Variants in TLE3 observed in about 807,000 individuals in gnomAD.
TLE3 encodes the protein transducin-like enhancer protein 3.
TLE3 carries 14 observed loss-of-function variants against 93.0 expected under a neutral mutation model. The observed-to-expected ratio is 0.15, with a 90% CI of 0.10 to 0.24. TLE3 has a LOEUF of 0.24. Among genes scored for constraint, TLE3 ranks in the 10% least tolerant of loss-of-function variants. TLE3 has a pLI of 1.00. For missense variants in TLE3, 693 were observed against 1,046.6 expected (o/e 0.66, Z 4.66); for synonymous variants, 451 against 425.0 (o/e 1.06, Z -0.75).
At chr15:70,091,521 T>A (rs2058307053) in intron 4 of TLE3, among the ~76,000 whole-genome samples, 1 of 152,192 alleles carries the variant, frequency 6.6e-6, no homozygotes, top group African/African-American at 2.4e-5. Flanking sequence ...GCAGGGGGCT[T>A]GGTGGAGGTG....
At chr15:70,063,524 G>A (rs895761170) in intron 8 of TLE3, among the ~76,000 whole-genome samples, 1 of 152,182 alleles carries the variant, frequency 6.6e-6, no homozygotes, top group Non-Finnish European at 1.5e-5. Flanking sequence ...GGCTGGATTG[G>A]AGAGAGCTGC....
At chr15:70,062,292 A>C (rs2056536416) in intron 8 of TLE3, among the ~76,000 whole-genome samples, 1 of 152,190 alleles carries the variant, frequency 6.6e-6, no homozygotes, top group African/African-American at 2.4e-5. Context: ...CCGTCATTTC[A>C]TTTCATTTCC....
Position 70,097,833 on chromosome 15 carries a change from C to G in TLE3, c.-1035G>C, listed in dbSNP as rs973128654. On this transcript the variant is annotated 5_prime_UTR_variant, in exon 1 of 20. Coordinates refer to ENST00000451782, the MANE Select transcript of TLE3 (RefSeq NM_001105192.3). ...ACACACACCAAAAAAAAAAGTGCCC[C>G]GGACCTACGGATACCACACACAGAC... is the stretch of plus-strand genomic sequence containing the variant. The G allele has an allele frequency of 5.5e-6, 2 of 361,836 alleles. No homozygotes were observed. Among genetic ancestry groups the G allele is most frequent in the East Asian group, 8.0e-5 (2 of 25,056 alleles). The allele number at this position is 361,836 out of a possible 1,614,324, so 22.4% of individuals were successfully genotyped here.
Position 70,056,311 on chromosome 15 carries a change from G to T in TLE3, c.1315C>A (p.Pro439Thr), listed in dbSNP as rs868714109. ...GCCAAAGCTTACGGTTTTCCTCCAGGAATGGAGGCCAGGCTTGAGGGGAGG... is the reference window on the plus strand; with the variant it reads ...GCCAAAGCTTACGGTTTTCCTCCAGTAATGGAGGCCAGGCTTGAGGGGAGG... ...TGLPSSLASI[P>T]GGKPAYSFHV... is the part of the protein sequence containing the mutation. The change falls in exon 14 of 20, where the codon CCT becomes ACT. Residue 439 changes from proline to threonine, a missense_variant. By Grantham distance (38) the Pro-to-Thr change is conservative. Coordinates refer to ENST00000451782, the MANE Select transcript of TLE3 (RefSeq NM_001105192.3). 6.2e-7 allele frequency: 1 copy of T among 1,613,698 alleles called. No individual in the cohort carries two copies. Among genetic ancestry groups the T allele is most frequent in the Non-Finnish European group, 8.5e-7 (1 of 1,179,866 alleles).
intron 12 of TLE3, 114 bp from the exon 13 acceptor site, chr15:70,057,772 CCT>C (rs1305091767): frequency 7.6e-7 from 1 of 1,322,224 alleles, no homozygotes; most frequent in Non-Finnish European, 1.0e-6. Flanking sequence ...TCCAGGCAGT[CCT>C]CTCAGACTGA....
intron 4 of TLE3, among the ~76,000 whole-genome samples, chr15:70,084,314 A>G (rs536807666): frequency 6.6e-6 from 1 of 152,376 alleles, no homozygotes; most frequent in African/African-American, 2.4e-5. Context: ...CAACTTGGGC[A>G]CTGATAACAA....
chr15:70,087,728 T>C (rs1369829971), intron 4 of TLE3, among the ~76,000 whole-genome samples: 3 of 152,190 alleles, frequency 2.0e-5, no homozygotes, highest in East Asian at 3.8e-4. Context: ...AGATGGGAAG[T>C]TGCTTCTCTC....
At chr15:70,053,609 G>C (rs1055583818) in intron 16 of TLE3, 1 of 404,008 alleles carries the variant, frequency 2.5e-6, no homozygotes, top group Non-Finnish European at 4.4e-6. Flanking sequence ...GGAAATGGGG[G>C]GGGGAGGTGA....
chr15:70,057,492 GGCAGCGGCTGCA>G lies in TLE3; in HGVS notation c.1206_1217del (p.Ala403_Ala406del), dbSNP rs1230864099. 2 of 1,608,306 alleles carry G rather than the reference GGCAGCGGCTGCA, an allele frequency of 1.2e-6. No individual in the cohort carries two copies. The highest frequency in any genetic ancestry group is 1.7e-6 in the Non-Finnish European group (2 of 1,177,666). ...AGCTCACCATTGGCGATCGGCCATA[GGCAGCGGCTGCA>G]GCAGCGGCGGCGGCGCTCATCTGGG... On this transcript the variant is annotated inframe_deletion, in exon 13 of 20. Coordinates refer to ENST00000451782, the MANE Select transcript of TLE3 (RefSeq NM_001105192.3).
chr15:70,096,359 G>C, intron 1 of TLE3, 98 bp from the exon 2 acceptor site: 1 of 1,509,508 alleles, frequency 6.6e-7, no homozygotes, highest in Non-Finnish European at 8.8e-7. Context: ...ACCAAAAGAG[G>C]CCACCCTCAG....
rs774229331 is a variant in TLE3 at position 70,096,656 on chromosome 15, C to T, written c.24+119G>A. 5.2e-6 allele frequency: 8 copies of T among 1,553,234 alleles called. No homozygotes were observed. In the South Asian group the frequency reaches 9.5e-5, roughly 18 times the overall value. ...GGCCGCATCCCCCTTTGTGTGAGAGCACACACACAAACACACACACCATAA... is the reference window on the plus strand; with the variant it reads ...GGCCGCATCCCCCTTTGTGTGAGAGTACACACACAAACACACACACCATAA... On this transcript the variant is annotated intron_variant, in intron 1 of 19. Transcript: ENST00000451782.
chr15:70,089,188 C>T (rs2058184630), intron 4 of TLE3, among the ~76,000 whole-genome samples: 2 of 152,204 alleles, frequency 1.3e-5, no homozygotes, highest in South Asian at 2.1e-4. Context: ...TTCAGACTCG[C>T]GCCAAGCAAA....
At position 70,048,116 on chromosome 15, in the gene TLE3, G is replaced by GC. The variant is rs748458458; in HGVS notation, c.*1980dup. 7.5e-6 allele frequency: 1 copy of GC among 133,820 alleles called. No homozygotes were observed. The highest frequency in any genetic ancestry group is 1.6e-5 in the Non-Finnish European group (1 of 63,608). 8.3% of individuals were successfully genotyped at this position (133,820 alleles called of 1,614,324 possible). ...CTGGCCCAGGCTCCAGAATGTGACA[G>GC]CAACAGTGGCCTGGCTGTTTTCCCG... On this transcript the variant is annotated 3_prime_UTR_variant, in exon 20 of 20. Coordinates refer to ENST00000451782, the MANE Select transcript of TLE3 (RefSeq NM_001105192.3).
chr15:70,053,347 G>C lies in TLE3; in HGVS notation c.1854C>G (p.Ala618=). 1 of 1,608,514 alleles carries C rather than the reference G, an allele frequency of 6.2e-7. No individual in the cohort carries two copies. The highest frequency in any genetic ancestry group is 8.5e-7 in the Non-Finnish European group (1 of 1,177,264). ...VRQFQGHTDG[A]SCIDISHDGT... Reference sequence around the variant, plus strand: ...CATCATGGGAGATGTCTATGCAGCTGGCCCCATCTGTGTGGCCCTGGAACT... The same window carrying C: ...CATCATGGGAGATGTCTATGCAGCTCGCCCCATCTGTGTGGCCCTGGAACT... The change falls in exon 17 of 20, where the codon GCC becomes GCG. Residue 618 remains alanine (A), a synonymous_variant. Coordinates refer to ENST00000451782, the MANE Select transcript of TLE3 (RefSeq NM_001105192.3).
At chr15:70,066,915 GTC>G (rs2056849942) in intron 6 of TLE3, 1 of 388,588 alleles carries the variant, frequency 2.6e-6, no homozygotes, top group East Asian at 8.3e-5. Context: ...GTTACTTCAA[GTC>G]CTGGAGCCTC....
At position 70,054,614 on chromosome 15, in the gene TLE3, G is replaced by C. The variant is rs1160017482; in HGVS notation, c.1650C>G (p.Ala550=). ...CCAGGTCCCAGATGGTGAGCGTGCT[G>C]GCCTCGCCGCCCACGATGAGCGTGC... is the stretch of plus-strand genomic sequence containing the variant. The part of the protein sequence containing the change: ...DGRTLIVGGE[A]STLTIWDLAS... Residue 550 remains alanine (A), a synonymous_variant, in exon 16 of 20, where the codon GCC becomes GCG. Coordinates refer to ENST00000451782, the MANE Select transcript of TLE3 (RefSeq NM_001105192.3). The C allele has an allele frequency of 6.2e-7, 1 of 1,612,488 alleles. No homozygotes were observed. The highest frequency in any genetic ancestry group is 1.3e-5 in the African/African-American group (1 of 74,900).
intron 8 of TLE3, 117 bp downstream of exon 8, chr15:70,064,337 A>G: frequency 7.7e-7 from 1 of 1,297,694 alleles, no homozygotes; most frequent in Non-Finnish European, 1.1e-6. Context: ...GCGGGAACCC[A>G]GAAGCCAGCT....
chr15:70,054,114 T>G (rs1471378033), intron 16 of TLE3: 1 of 237,824 alleles, frequency 4.2e-6, no homozygotes, highest in Non-Finnish European at 8.1e-6. Flanking sequence ...GGCTTCCCAG[T>G]CGGGTCTCCC....
rs2056236981 is a variant in TLE3, at chr15:70,058,476, C to A, written c.919-185G>T. Reference sequence around the variant, plus strand: ...GACTGGGGTGATCACTCCCATTTTACAGACGTAGCAACCGAGGCTCAGAAA... The same window carrying A: ...GACTGGGGTGATCACTCCCATTTTAAAGACGTAGCAACCGAGGCTCAGAAA... On this transcript the variant is annotated intron_variant, in intron 11 of 19. Coordinates refer to ENST00000451782, the MANE Select transcript of TLE3 (RefSeq NM_001105192.3). The surrounding 1 kb of genome is among the most constrained non-coding windows in gnomAD (Gnocchi z 4.1). 7.8e-7 allele frequency: 1 copy of A among 1,287,964 alleles called. No individual in the cohort carries two copies. 79.8% of individuals were successfully genotyped at this position (1,287,964 alleles called of 1,614,324 possible). A position where few individuals can be genotyped will look rare whatever the true frequency, so the allele number is the denominator to read the frequency against.
Sources: allele counts gnomAD v4.1 joint callset (sites outside exome capture counted in the v4.1 genomes callset), GRCh38; gene constraint gnomAD v4.1.1; non-coding constraint Gnocchi (gnomAD v3.1); transcripts MANE v1.5; gene names NCBI Gene and HGNC (gene_info 2026-07-23, HGNC 2026-07-21).